The following GAL3ST2 variants were observed in gnomAD, a reference collection of about 807,000 sequenced individuals.
The protein encoded by GAL3ST2 is galactose-3-O-sulfotransferase 2.
GAL3ST2 carries 16 observed loss-of-function variants against 12.9 expected under a neutral mutation model. That is an observed-to-expected ratio of 1.24 (90% CI 0.84 to 1.88). GAL3ST2 has a LOEUF of 1.88. GAL3ST2 is among the 40% of genes most tolerant of loss of function. The pLI is 0.00. For synonymous variants in GAL3ST2, 302 were observed against 273.9 expected, an observed-to-expected ratio of 1.10 and a Z score of -1.01; for missense variants, 639 against 571.8, an observed-to-expected ratio of 1.12 and a Z score of -1.20.
At chr2:241,785,609 C>A (rs911711521) in intron 1 of GAL3ST2, among the ~76,000 whole-genome samples, 27 of 151,194 alleles carry the variant, frequency 1.8e-4, no homozygotes, top group African/African-American at 6.3e-4. Context: ...TTTGGGGTTC[C>A]ATGGGAACCC....
In GAL3ST2 at chr2:241,801,699, G is replaced by A; in HGVS notation, c.120-82G>A. Reference sequence around the variant, plus strand: ...TCAGGTTGGGAGGTCTCTCCTTGCGGTTGCCGGGCTGGGGGTCGCTGTTGG... The same window carrying A: ...TCAGGTTGGGAGGTCTCTCCTTGCGATTGCCGGGCTGGGGGTCGCTGTTGG... On this transcript the variant is annotated intron_variant, in intron 2 of 3. Coordinates refer to ENST00000192314, the MANE Select transcript of GAL3ST2 (RefSeq NM_022134.3). The surrounding 1 kb of genome is among the most constrained non-coding windows in gnomAD (Gnocchi z 4.4). 6.5e-7 allele frequency: 1 copy of A among 1,529,210 alleles called. No homozygotes were observed. Among genetic ancestry groups the A allele is most frequent in the African/African-American group, 1.4e-5 (1 of 73,166 alleles). The allele number at this position is 1,529,210 out of a possible 1,614,324, so 94.7% of individuals were successfully genotyped here.
rs762913316 is a variant in GAL3ST2, at chr2:241,801,952, C to T, written c.291C>T (p.Leu97=). 61 of 1,612,924 alleles carry T rather than the reference C, an allele frequency of 3.8e-5. No homozygotes were observed. The highest frequency in any genetic ancestry group is 5.1e-5 in the Non-Finnish European group (60 of 1,179,942). The change falls in exon 3 of 4, where the codon CTC becomes CTT. Residue 97 remains leucine, a synonymous_variant. Coordinates refer to ENST00000192314, the MANE Select transcript of GAL3ST2 (RefSeq NM_022134.3). This position sits in a 1 kb window ranked among gnomAD's most constrained non-coding sequence, Gnocchi z 4.4. ...GSRVHLGYPW[L]FLARYVEGVG... ...GCGTCCACCTGGGCTACCCCTGGCT[C>T]TTCCTGGCGCGCTACGTGGAAGGCG...
intron 1 of GAL3ST2, among the ~76,000 whole-genome samples, chr2:241,777,962 A>T (rs1039918653): frequency 6.6e-6 from 1 of 152,176 alleles, no homozygotes. Context: ...ATTGCAGCCG[A>T]AGGCCCTCGG....
Position 241,801,502 on chromosome 2 carries a change from T to G in GAL3ST2, c.120-279T>G. ...CCCCTTGGCCAAGATGGGGTTCATT[T>G]AGGGTTTTATTTTTAGTTCTCGGGG... On this transcript the variant is annotated intron_variant, in intron 2 of 3. Coordinates refer to ENST00000192314, the MANE Select transcript of GAL3ST2 (RefSeq NM_022134.3). This position sits in a 1 kb window ranked among gnomAD's most constrained non-coding sequence, Gnocchi z 4.4. The G allele has an allele frequency of 6.0e-6, 3 of 502,444 alleles. No homozygotes were observed. Among genetic ancestry groups the G allele is most frequent in the East Asian group, 3.6e-5 (1 of 27,552 alleles). 31.1% of individuals were successfully genotyped at this position (502,444 alleles called of 1,614,324 possible).
intron 1 of GAL3ST2, among the ~76,000 whole-genome samples, chr2:241,790,181 A>G (rs1699677639): frequency 6.6e-6 from 1 of 152,064 alleles, no homozygotes; most frequent in African/African-American, 2.4e-5. Context: ...TAGAACTCTA[A>G]CAGGTGTTCT....
At position 241,803,987 on chromosome 2, in the gene GAL3ST2, C is replaced by G. The variant is rs1699897342; in HGVS notation, c.1018C>G (p.Arg340Gly). ...CACGCAGATCAGAGACCCGCGCCTG[C>G]GCCCCTACCAGTCCGGCAAGGCCGA... Reference protein sequence around the residue: ...NHTQIRDPRLRPYQSGKADIL... With the variant: ...NHTQIRDPRLGPYQSGKADIL... The change falls in exon 4 of 4, where the codon CGC (arginine) becomes GGC (glycine). Residue 340 changes from arginine to glycine, a missense_variant. Arg to Gly is a moderately radical substitution (Grantham distance 125). Coordinates refer to ENST00000192314, the MANE Select transcript of GAL3ST2 (RefSeq NM_022134.3). The G allele has an allele frequency of 6.4e-7, 1 of 1,550,994 alleles. No individual in the cohort carries two copies.
At chr2:241,787,834 C>A (rs929525424) in intron 1 of GAL3ST2, among the ~76,000 whole-genome samples, 1 of 151,640 alleles carries the variant, frequency 6.6e-6, no homozygotes, top group Admixed American at 6.6e-5. Flanking sequence ...ATTTTGTTGT[C>A]GTTGTTTGTT....
chr2:241,793,126 A>G lies in GAL3ST2; in HGVS notation c.30-5939A>G, dbSNP rs1374625402. 6.6e-6 allele frequency among the ~76,000 whole-genome samples: 1 copy of G among 152,230 alleles called. No individual in the cohort carries two copies. Among genetic ancestry groups the G allele is most frequent in the Non-Finnish European group, 1.5e-5 (1 of 68,040 alleles). On this transcript the variant is annotated intron_variant, in intron 1 of 3. Transcript: ENST00000192314. The surrounding 1 kb of genome is among the most constrained non-coding windows in gnomAD (Gnocchi z 4.7). ...CTGACCACCTTGGGCACACGTCATC[A>G]GGACCTCCTGAGGCTGGGTCATGGG...
At position 241,801,534 on chromosome 2, in the gene GAL3ST2, GGTTGGGGGAGCATGGTTACGGGAGACA is replaced by G. The variant is rs751541087; in HGVS notation, c.120-236_120-210del. Reference sequence around the variant, plus strand: ...TTATTTTTAGTTCTCGGGGGCACAGGGTTGGGGGAGCATGGTTACGGGAGACAGTTGGGGGAGTTTGTGTTCGGGCCA... The same window carrying G: ...TTATTTTTAGTTCTCGGGGGCACAGGGTTGGGGGAGTTTGTGTTCGGGCCA... On this transcript the variant is annotated intron_variant, in intron 2 of 3. Coordinates refer to ENST00000192314, the MANE Select transcript of GAL3ST2 (RefSeq NM_022134.3). The surrounding 1 kb of genome is among the most constrained non-coding windows in gnomAD (Gnocchi z 4.4). 140 of 592,030 alleles carry G rather than the reference GGTTGGGGGAGCATGGTTACGGGAGACA, an allele frequency of 2.4e-4. No individual in the cohort carries two copies. Among genetic ancestry groups the G allele is most frequent in the Non-Finnish European group, 2.5e-4 (84 of 335,898 alleles). The allele number at this position is 592,030 out of a possible 1,614,324, so 36.7% of individuals were successfully genotyped here.
At position 241,793,553 on chromosome 2, in the gene GAL3ST2, ATGTATG is replaced by A. The variant is rs1430618959; in HGVS notation, c.30-5506_30-5501del. ...TGTTTATATGTATGTGTGTATATGT[ATGTATG>A]TGTATATGTGTGCGTATATGTGTAT... is the stretch of plus-strand genomic sequence containing the variant. On this transcript the variant is annotated intron_variant, in intron 1 of 3. Transcript: ENST00000192314. The surrounding 1 kb of genome is among the most constrained non-coding windows in gnomAD (Gnocchi z 4.7). Among the ~76,000 whole-genome samples the A allele has an allele frequency of 6.6e-6, 1 of 151,570 alleles. No homozygotes were observed. Among genetic ancestry groups the A allele is most frequent in the African/African-American group, 2.4e-5 (1 of 41,186 alleles).
intron 1 of GAL3ST2, among the ~76,000 whole-genome samples, chr2:241,778,772 T>C (rs1476582871): frequency 1.3e-5 from 2 of 152,086 alleles, no homozygotes; most frequent in Non-Finnish European, 2.9e-5. Context: ...AGTCCGCATA[T>C]GCAGGACGAA....
chr2:241,799,077 C>T lies in GAL3ST2; in HGVS notation c.42C>T (p.Val14=). The T allele has an allele frequency of 6.2e-7, 1 of 1,613,426 alleles. No homozygotes were observed. The highest frequency in any genetic ancestry group is 8.5e-7 in the Non-Finnish European group (1 of 1,179,944). Residue 14 remains valine, a synonymous_variant, in exon 2 of 4, where the codon GTC becomes GTT. Coordinates refer to ENST00000192314, the MANE Select transcript of GAL3ST2 (RefSeq NM_022134.3). ...GCCCTTTCCACAGATACTTCCGGGT[C>T]ATCCTCCTCCTCCTCCTGGCCCTGA... The part of the protein sequence containing the change: ...MLGGLQRYFR[V]ILLLLLALTL...
intron 1 of GAL3ST2, among the ~76,000 whole-genome samples, chr2:241,778,034 C>T (rs906767859): frequency 6.6e-6 from 1 of 152,230 alleles, no homozygotes; most frequent in African/African-American, 2.4e-5. Context: ...GGGCTCACTG[C>T]AGCAGCCCAT....
intron 1 of GAL3ST2, among the ~76,000 whole-genome samples, chr2:241,779,751 C>T (rs192961304): frequency 0.018 from 2,709 of 151,396 alleles, 88 homozygotes; most frequent in African/African-American, 0.063. Context: ...TTTGGGAGGC[C>T]GAGGCGGGCG....
chr2:241,803,230 T>G, intron 3 of GAL3ST2, 115 bp from the exon 4 acceptor site: 4 of 812,160 alleles, frequency 4.9e-6, no homozygotes, highest in Non-Finnish European at 7.6e-6. Context: ...CCTCGGCAGA[T>G]GTGAGGATGG....
At position 241,803,989 on chromosome 2, in the gene GAL3ST2, C is replaced by T. The variant is rs777538456; in HGVS notation, c.1020C>T (p.Arg340=). The T allele has an allele frequency of 6.4e-6, 10 of 1,559,294 alleles. No individual in the cohort carries two copies. Among genetic ancestry groups the T allele is most frequent in the Admixed American group, 1.9e-5 (1 of 53,966 alleles). The change falls in exon 4 of 4, where the codon CGC becomes CGT. Residue 340 remains arginine (R), a synonymous_variant. Transcript: ENST00000192314. ...NHTQIRDPRL[R]PYQSGKADIL... ...CGCAGATCAGAGACCCGCGCCTGCG[C>T]CCCTACCAGTCCGGCAAGGCCGACA...
At position 241,803,461 on chromosome 2, in the gene GAL3ST2, C is replaced by T; in HGVS notation, c.492C>T (p.Ala164=). ...CCTACGCCCCCGCCTTCCGGGGCGC[C>T]CCGAGCCTGGACGCGTTCCTGGCCT... is the stretch of plus-strand genomic sequence containing the variant. ...YKTYAPAFRG[A]PSLDAFLASP... The change falls in exon 4 of 4, where the codon GCC becomes GCT. Residue 164 remains alanine (A), a synonymous_variant. Coordinates refer to ENST00000192314, the MANE Select transcript of GAL3ST2 (RefSeq NM_022134.3). 6.2e-7 allele frequency: 1 copy of T among 1,611,942 alleles called. No individual in the cohort carries two copies. The highest frequency in any genetic ancestry group is 1.1e-5 in the South Asian group (1 of 90,816).
intron 1 of GAL3ST2, among the ~76,000 whole-genome samples, chr2:241,781,743 C>G (rs1029586116): frequency 2.6e-5 from 4 of 152,174 alleles, no homozygotes; most frequent in African/African-American, 9.7e-5. Flanking sequence ...AACTTTTATA[C>G]CAAATAAGCC....
At position 241,781,147 on chromosome 2, in the gene GAL3ST2, ATTTTG is replaced by A. The variant is rs1699560894; in HGVS notation, c.29+4166_29+4170del. ...GTAGAGAGAAACAAATATGCTTGAAATTTTGTTCACAGGAGTATACTTTACTCAAT... is the reference window on the plus strand; with the variant it reads ...GTAGAGAGAAACAAATATGCTTGAAATTCACAGGAGTATACTTTACTCAAT... On this transcript the variant is annotated intron_variant, in intron 1 of 3. Coordinates refer to ENST00000192314, the MANE Select transcript of GAL3ST2 (RefSeq NM_022134.3). 3.3e-5 allele frequency among the ~76,000 whole-genome samples: 5 copies of A among 152,366 alleles called. No individual in the cohort carries two copies. The South Asian group carries it at 1.0e-3, about 32-fold the overall frequency.
Sources: gnomAD v4.1 joint callset for allele counts (sites outside exome capture counted in the v4.1 genomes callset) on GRCh38, gnomAD v4.1.1 for gene constraint, Gnocchi (gnomAD v3.1) non-coding constraint, MANE v1.5 for transcripts, NCBI Gene and HGNC (gene_info 2026-07-23, HGNC 2026-07-21) for gene names.